REV3L: variants seen among roughly 807,000 people sequenced by gnomAD.
The protein encoded by REV3L is REV3 like, DNA directed polymerase zeta catalytic subunit, also known as DNA polymerase zeta catalytic subunit.
In REV3L, 69 loss-of-function variants were observed where a neutral mutation model predicts 299.4. That is an observed-to-expected ratio of 0.23 (90% CI 0.19 to 0.28). The LOEUF is 0.28. Ranked by LOEUF, REV3L falls within the 10% of genes least tolerant of loss-of-function variation. The probability of loss-of-function intolerance (pLI) is 1.00; values close to 1 mark genes in which losing one functional copy is unlikely to be tolerated. For missense variants in REV3L, 3,128 were observed against 3,693.8 expected (o/e 0.85, Z 3.97); for synonymous variants, 1,238 against 1,271.4 (o/e 0.97, Z 0.56).
chr6:111,420,858 T>C (rs1052141592), intron 1 of REV3L, among the ~76,000 whole-genome samples: 1 of 152,100 alleles, frequency 6.6e-6, no homozygotes, highest in Non-Finnish European at 1.5e-5. Flanking sequence ...CATTAAGTCC[T>C]TGGCTGGGCA....
chr6:111,319,686 C>A (rs984594295), intron 26 of REV3L, among the ~76,000 whole-genome samples: 5 of 151,034 alleles, frequency 3.3e-5, no homozygotes, highest in African/African-American at 1.2e-4. Context: ...AGGTCATTTA[C>A]CTTCGTCTAT....
intron 16 of REV3L, chr6:111,360,589 C>G (rs994697917): frequency 6.7e-6 from 1 of 150,324 alleles, no homozygotes; most frequent in African/African-American, 2.5e-5. Flanking sequence ...GATCCACTCA[C>G]TTCAGCTTTC....
At chr6:111,363,220 A>C (rs1484857266) in intron 16 of REV3L, among the ~76,000 whole-genome samples, 1 of 152,228 alleles carries the variant, frequency 6.6e-6, no homozygotes, top group African/African-American at 2.4e-5. Flanking sequence ...CCAATCAAAC[A>C]GAAAATACAA....
At chr6:111,476,825 G>A (rs1792999342) in intron 1 of REV3L, among the ~76,000 whole-genome samples, 1 of 152,124 alleles carries the variant, frequency 6.6e-6, no homozygotes, top group African/African-American at 2.4e-5. Flanking sequence ...ATGCAATCAT[G>A]CATTTTGGTT....
Position 111,374,935 on chromosome 6 carries a change from CATG to C in REV3L, c.3417_3419del (p.Ile1139del). The C allele has an allele frequency of 6.2e-7, 1 of 1,612,882 alleles. No individual in the cohort carries two copies. The highest frequency in any genetic ancestry group is 1.1e-5 in the South Asian group (1 of 90,660). On this transcript the variant is annotated inframe_deletion, in exon 13 of 32. Coordinates refer to ENST00000368802, the MANE Select transcript of REV3L (RefSeq NM_001372078.1). ...GCATTGCCTCTTTTTCTGCAGCAGCCATGATTTCTTCAGCTCTTGGATCTGTGG... is the reference window on the plus strand; with the variant it reads ...GCATTGCCTCTTTTTCTGCAGCAGCCATTTCTTCAGCTCTTGGATCTGTGG...
At chr6:111,360,702 C>A in intron 16 of REV3L, 1 of 152,354 alleles carries the variant, frequency 6.6e-6, no homozygotes, top group South Asian at 2.1e-4. Flanking sequence ...GTCTCGAACT[C>A]CTGGCCTCAA....
At position 111,365,293 on chromosome 6, in the gene REV3L, A is replaced by G; in HGVS notation, c.6725T>C (p.Leu2242Pro). 6.4e-7 allele frequency: 1 copy of G among 1,570,044 alleles called. No individual in the cohort carries two copies. Among genetic ancestry groups the G allele is most frequent in the African/African-American group, 1.4e-5 (1 of 73,082 alleles). ...TGCTTGTGTTAACAGTACTCTTCTA[A>G]GAGTGTCAGTATTACTTCCTTTCTT... is the stretch of plus-strand genomic sequence containing the variant. ...SNKKGSNTDTLRRVLLTQAKN... is the reference protein window; with the variant it reads ...SNKKGSNTDTPRRVLLTQAKN... The change falls in exon 15 of 32, where the codon CTT becomes CCT. Residue 2242 changes from leucine (L) to proline (P), a missense_variant. Physicochemically the swap from Leu to Pro is moderately conservative, Grantham distance 98. Transcript: ENST00000368802.
intron 2 of REV3L, among the ~76,000 whole-genome samples, chr6:111,415,106 A>G (rs1784615770): frequency 6.6e-6 from 1 of 152,174 alleles, no homozygotes; most frequent in Non-Finnish European, 1.5e-5. Flanking sequence ...GTAAAAGTCA[A>G]AGTCCTTACA....
intron 4 of REV3L, among the ~76,000 whole-genome samples, chr6:111,398,111 T>C (rs889000023): frequency 6.6e-6 from 1 of 151,460 alleles, no homozygotes; most frequent in Non-Finnish European, 1.5e-5. Flanking sequence ...TTGCTTTCAA[T>C]CTAATAATAT....
At chr6:111,418,731 C>T (rs1785017450) in intron 1 of REV3L, among the ~76,000 whole-genome samples, 2 of 152,262 alleles carry the variant, frequency 1.3e-5, no homozygotes, top group South Asian at 4.1e-4. Flanking sequence ...TCCTTAATTC[C>T]TCAGTTTTTA....
chr6:111,328,837 C>T lies in REV3L; in HGVS notation c.8241+695G>A, dbSNP rs189916527. 8.9e-4 allele frequency among the ~76,000 whole-genome samples: 135 copies of T among 152,292 alleles called. 1 individual carries two copies. Among genetic ancestry groups the T allele is most frequent in the African/African-American group, 3.1e-3 (130 of 41,562 alleles). ...GTGGAATGCAGTGGTGCAATCATGGCTCACTGCAACCTTGACTTCCTGGGC... is the reference window on the plus strand; with the variant it reads ...GTGGAATGCAGTGGTGCAATCATGGTTCACTGCAACCTTGACTTCCTGGGC... On this transcript the variant is annotated intron_variant, in intron 25 of 31. Transcript: ENST00000368802.
Position 111,372,663 on chromosome 6 carries a change from C to A in REV3L, c.5692G>T (p.Asp1898Tyr). 1.3e-6 allele frequency: 2 copies of A among 1,572,496 alleles called. No homozygotes were observed. The highest frequency in any genetic ancestry group is 1.2e-5 in the South Asian group (1 of 81,516). ...TCCTGGTAAATAGTCTCAGACAGGT[C>A]ATGATCCAACAAAGTTGCCATAATT... is the stretch of plus-strand genomic sequence containing the variant. ...EEIMATLLDH[D>Y]LSETIYQEPF... The change falls in exon 13 of 32, where the codon GAC becomes TAC. Residue 1898 changes from aspartate (D) to tyrosine (Y), a missense_variant. Physicochemically the swap from Asp to Tyr is radical, Grantham distance 160. Transcript: ENST00000368802.
intron 1 of REV3L, among the ~76,000 whole-genome samples, chr6:111,450,639 T>C (rs774786727): frequency 2.0e-5 from 3 of 151,524 alleles, no homozygotes; most frequent in Admixed American, 6.6e-5. Context: ...GGTAGAAAAG[T>C]ATGGGCTTAA....
intron 13 of REV3L, among the ~76,000 whole-genome samples, chr6:111,371,937 C>T (rs1319545983): frequency 6.6e-6 from 1 of 152,102 alleles, no homozygotes; most frequent in African/African-American, 2.4e-5. Flanking sequence ...AGCGATCCTC[C>T]CACCTCGGCC....
At position 111,430,761 on chromosome 6, in the gene REV3L, G is replaced by A. The variant is rs1273213032; in HGVS notation, c.140-14289C>T. On this transcript the variant is annotated intron_variant, in intron 1 of 31. Coordinates refer to ENST00000368802, the MANE Select transcript of REV3L (RefSeq NM_001372078.1). ...AAGTTTAAAAGCAATAATTTAGAGA[G>A]AGCGCAGGAGCAGCTTGACCGCATC... is the stretch of plus-strand genomic sequence containing the variant. 10 of 1,593,816 alleles carry A rather than the reference G, an allele frequency of 6.3e-6. No individual in the cohort carries two copies. In the Admixed American group the frequency reaches 1.0e-4, roughly 16 times the overall value.
At chr6:111,447,928 A>C (rs1789047176) in intron 1 of REV3L, among the ~76,000 whole-genome samples, 1 of 152,108 alleles carries the variant, frequency 6.6e-6, no homozygotes, top group Non-Finnish European at 1.5e-5. Context: ...CAACTTCCTA[A>C]GTTAGAATTT....
At chr6:111,452,999 A>C (rs960862916) in intron 1 of REV3L, among the ~76,000 whole-genome samples, 13 of 152,026 alleles carry the variant, frequency 8.6e-5, no homozygotes, top group African/African-American at 2.7e-4. Flanking sequence ...TACATATTTT[A>C]ATATATAATA....
At chr6:111,483,267 G>A, upstream of REV3L, 2 of 480,850 alleles carry the variant, frequency 4.2e-6, no homozygotes, top group South Asian at 6.7e-5. Context: ...GTGGCGAAGG[G>A]AGGCTGCGAG....
intron 1 of REV3L, chr6:111,430,151 C>T: frequency 1.3e-6 from 1 of 788,318 alleles, no homozygotes; most frequent in East Asian, 2.4e-5. Flanking sequence ...AGTGTCACGC[C>T]CCTGTGGGAT....
Sources: gnomAD v4.1 joint callset for allele counts (sites outside exome capture counted in the v4.1 genomes callset) on GRCh38, gnomAD v4.1.1 for gene constraint, MANE v1.5 for transcripts, NCBI Gene and HGNC (gene_info 2026-07-23, HGNC 2026-07-21) for gene names.